The following LARP4 variants were observed in gnomAD, a reference collection of about 807,000 sequenced individuals.
LARP4 encodes La ribonucleoprotein 4, also known as la-related protein 4.
A neutral mutation model predicts 92.9 loss-of-function variants in LARP4; 29 were observed. The observed-to-expected ratio is 0.31, with a 90% CI of 0.23 to 0.43. LARP4 has a LOEUF of 0.43. LARP4 is among the 20% of genes least tolerant of loss of function. The pLI is 1.00. For synonymous variants in LARP4, 279 were observed against 284.1 expected (o/e 0.98, Z 0.18); for missense variants, 732 against 860.0 (o/e 0.85, Z 1.86).
chr12:50,432,763 G>A (rs961115054), intron 4 of LARP4, among the ~76,000 whole-genome samples: 1 of 151,102 alleles, frequency 6.6e-6, no homozygotes, highest in African/African-American at 2.4e-5. Flanking sequence ...GAGAGGCTGA[G>A]GCAGGAGAAT....
At chr12:50,455,554 A>G (rs911570180) in intron 10 of LARP4, among the ~76,000 whole-genome samples, 3 of 152,164 alleles carry the variant, frequency 2.0e-5, no homozygotes, top group African/African-American at 7.2e-5. Flanking sequence ...TCTTTTGGAA[A>G]GGAGACCATC....
chr12:50,452,146 A>G (rs1487372842), intron 8 of LARP4, among the ~76,000 whole-genome samples: 2 of 152,244 alleles, frequency 1.3e-5, no homozygotes, highest in African/African-American at 2.4e-5. Flanking sequence ...ACAGTAGTGC[A>G]GATACCCTTC....
intron 10 of LARP4, among the ~76,000 whole-genome samples, chr12:50,460,137 C>CAAA (rs201843418): frequency 1.7e-5 from 2 of 117,604 alleles, no homozygotes; most frequent in Non-Finnish European, 2.0e-5. Context: ...TCCATCTCAC[C>CAAA]AAAAAAAAAA....
intron 13 of LARP4, 95 bp downstream of exon 13, chr12:50,467,215 A>G: frequency 2.2e-6 from 2 of 897,944 alleles, no homozygotes; most frequent in East Asian, 2.6e-5. Flanking sequence ...CTTAGTGTAC[A>G]TTTCTATCAT....
chr12:50,466,341 C>T (rs948355005), intron 12 of LARP4, among the ~76,000 whole-genome samples: 1 of 152,104 alleles, frequency 6.6e-6, no homozygotes, highest in African/African-American at 2.4e-5. Flanking sequence ...TGGGCGGGCA[C>T]AGTTGCTTAA....
chr12:50,466,856 T>C, intron 12 of LARP4, 103 bp from the exon 13 acceptor site: 1 of 1,103,108 alleles, frequency 9.1e-7, no homozygotes, highest in Non-Finnish European at 1.3e-6. Context: ...ATTATAGAGG[T>C]TTTGTTTGCT....
intron 13 of LARP4, among the ~76,000 whole-genome samples, chr12:50,471,665 C>T (rs1285931381): frequency 3.3e-5 from 5 of 152,154 alleles, no homozygotes; most frequent in South Asian, 4.2e-4. Context: ...TGAATACAGG[C>T]GCGCGCCACC....
chr12:50,470,559 A>G (rs755970979), intron 13 of LARP4, among the ~76,000 whole-genome samples: 2 of 151,748 alleles, frequency 1.3e-5, no homozygotes, highest in African/African-American at 4.8e-5. Flanking sequence ...TCAGCCTCCC[A>G]GGTAGCTGGG....
intron 13 of LARP4, among the ~76,000 whole-genome samples, 172 bp downstream of exon 13, chr12:50,467,292 C>T (rs923870708): frequency 5.3e-5 from 8 of 150,526 alleles, no homozygotes; most frequent in Non-Finnish European, 1.2e-4. Flanking sequence ...TGAAGCTGCA[C>T]AAAGGCAATA....
At chr12:50,448,808 A>G (rs1053146693) in intron 8 of LARP4, among the ~76,000 whole-genome samples, 1 of 152,170 alleles carries the variant, frequency 6.6e-6, no homozygotes, top group African/African-American at 2.4e-5. Context: ...TGCAGGCGTG[A>G]GCCACTGCAC....
At chr12:50,436,215 T>TGG (rs1264269218) in intron 5 of LARP4, among the ~76,000 whole-genome samples, 5 of 149,960 alleles carry the variant, frequency 3.3e-5, no homozygotes, top group African/African-American at 1.2e-4. Context: ...GACTGGTGTG[T>TGG]GGGGGTGTGT....
intron 1 of LARP4, among the ~76,000 whole-genome samples, chr12:50,409,764 C>CAA (rs71083566): frequency 1.7e-5 from 2 of 120,602 alleles, no homozygotes; most frequent in Non-Finnish European, 1.8e-5. Flanking sequence ...GATTCTGTCT[C>CAA]AAAAAAAAAA....
Position 50,478,883 on chromosome 12 carries a change from A to T in LARP4, c.*3019A>T, listed in dbSNP as rs1390077642. On this transcript the variant is annotated 3_prime_UTR_variant, in exon 16 of 16. Transcript: ENST00000398473. ...TTGAGGAATATAAGAGCTTTCAATG[A>T]TAAAGGTTTGTTGTAGTTGTCTTAT... 1.3e-5 allele frequency: 2 copies of T among 152,188 alleles called. No homozygotes were observed. The highest frequency in any genetic ancestry group is 2.4e-5 in the African/African-American group (1 of 41,458). 9.4% of individuals were successfully genotyped at this position (152,188 alleles called of 1,614,324 possible). A position where few individuals can be genotyped will look rare whatever the true frequency, so the allele number is the denominator to read the frequency against.
At chr12:50,415,048 C>A (rs1245618346) in intron 1 of LARP4, among the ~76,000 whole-genome samples, 2 of 151,972 alleles carry the variant, frequency 1.3e-5, no homozygotes, top group Non-Finnish European at 2.9e-5. Context: ...ACTAAACATA[C>A]TTAAATTAGC....
At chr12:50,427,937 A>G (rs2137055857) in intron 2 of LARP4, 28 bp downstream of exon 2, 1 of 1,516,948 alleles carries the variant, frequency 6.6e-7, no homozygotes. Context: ...GGTCATAAAA[A>G]TCACAGTTTG....
At chr12:50,421,239 G>A (rs551368023) in intron 1 of LARP4, 34 of 982,860 alleles carry the variant, frequency 3.5e-5, no homozygotes, top group Middle Eastern at 5.2e-4. Flanking sequence ...GTGAGCCACC[G>A]TACCCAGCCG....
intron 12 of LARP4, among the ~76,000 whole-genome samples, chr12:50,463,051 C>T (rs897588009): frequency 4.0e-5 from 6 of 151,866 alleles, no homozygotes; most frequent in African/African-American, 1.5e-4. Flanking sequence ...AGAGGAGGAA[C>T]GGGTCTTGCT....
intron 1 of LARP4, chr12:50,416,295 A>G (rs1396831080): frequency 1.3e-5 from 2 of 152,212 alleles, no homozygotes; most frequent in Non-Finnish European, 2.9e-5. Context: ...TCCTTGTGCA[A>G]CATTATTTTG....
intron 1 of LARP4, among the ~76,000 whole-genome samples, chr12:50,407,746 C>T (rs911959422): frequency 2.6e-5 from 4 of 151,982 alleles, no homozygotes; most frequent in African/African-American, 9.7e-5. Context: ...CTGAGGCACA[C>T]CTTGAAGCAG....
Sources: allele counts gnomAD v4.1 joint callset (sites outside exome capture counted in the v4.1 genomes callset), GRCh38; gene constraint gnomAD v4.1.1; transcripts MANE v1.5; gene names NCBI Gene and HGNC (gene_info 2026-07-23, HGNC 2026-07-21).